TNK2: variants seen among roughly 807,000 people sequenced by gnomAD.
TNK2 encodes the protein activated CDC42 kinase 1.
A neutral mutation model predicts 101.8 loss-of-function variants in TNK2; 83 were observed. The ratio of observed to expected loss-of-function variants is 0.82; its 90% CI spans 0.68 to 0.98. The LOEUF (loss-of-function observed/expected upper bound fraction) is 0.98. Ranked by LOEUF, TNK2 falls within the 50% of genes least tolerant of loss-of-function variation. The pLI is 0.00. For synonymous variants in TNK2, 804 were observed against 633.0 expected, an observed-to-expected ratio of 1.27 and a Z score of -4.06; for missense variants, 1,665 against 1,483.2, an observed-to-expected ratio of 1.12 and a Z score of -2.01.
chr3:195,895,219 T>C (rs1485258013), intron 1 of TNK2: 8 of 1,489,526 alleles, frequency 5.4e-6, no homozygotes, highest in Non-Finnish European at 5.4e-6. Context: ...CCCAGGTATC[T>C]GGCTATCCCC....
intron 1 of TNK2, among the ~76,000 whole-genome samples, chr3:195,903,283 G>C (rs964637065): frequency 1.5e-5 from 2 of 131,052 alleles, no homozygotes; most frequent in Non-Finnish European, 3.3e-5. Context: ...CTCGTGATCT[G>C]CACATCTCGG....
At chr3:195,897,495 C>T (rs1760733547) in intron 1 of TNK2, among the ~76,000 whole-genome samples, 1 of 152,160 alleles carries the variant, frequency 6.6e-6, no homozygotes. Context: ...AGCCTCTTCA[C>T]CCCACATGTT....
chr3:195,892,569 C>T, intron 1 of TNK2: 1 of 1,482,994 alleles, frequency 6.7e-7, no homozygotes, highest in Non-Finnish European at 9.0e-7. Flanking sequence ...TGCCCAGGAG[C>T]CCCCCAAATC....
At chr3:195,890,140 G>GT (rs1488220101) in intron 1 of TNK2, among the ~76,000 whole-genome samples, 1 of 152,230 alleles carries the variant, frequency 6.6e-6, no homozygotes, top group Non-Finnish European at 1.5e-5. Context: ...TTCCACCTCG[G>GT]CGACCGGGCC....
rs556151043 is a variant in TNK2, at chr3:195,870,141, G to A, written c.1516C>T (p.Pro506Ser). The change falls in exon 11 of 16, where the codon CCC becomes TCC. Residue 506 changes from proline (P) to serine (S), a missense_variant. Around this residue, in one of 3 missense-constraint regions of TNK2, gnomAD observed 1,136 missense variants for 894.9 expected, o/e 1.27. Transcript: ENST00000672887. ...LLSVELSTSR[P>S]PQHLGGVKRE... ...TTCACCCCTCCTAGATGCTGGGGGG[G>A]CCGGGAGGTGCTCAGTTCCACGCTC... 8 of 1,475,068 alleles carry A rather than the reference G, an allele frequency of 5.4e-6. No homozygotes were observed. Among genetic ancestry groups the A allele is most frequent in the Middle Eastern group, 1.8e-4 (1 of 5,548 alleles). The allele number at this position is 1,475,068 out of a possible 1,614,324, so 91.4% of individuals were successfully genotyped here. A position where few individuals can be genotyped will look rare whatever the true frequency, so the allele number is the denominator to read the frequency against.
At chr3:195,865,434 A>T (rs1740045496) in intron 15 of TNK2, among the ~76,000 whole-genome samples, 1 of 146,752 alleles carries the variant, frequency 6.8e-6, no homozygotes. Flanking sequence ...GTTAAGAATG[A>T]CCCGAGACAG....
chr3:195,901,912 G>A (rs915448910), intron 1 of TNK2, among the ~76,000 whole-genome samples: 2 of 152,154 alleles, frequency 1.3e-5, no homozygotes, highest in African/African-American at 4.8e-5. Flanking sequence ...CTCGCTGAGT[G>A]GATACCATGT....
chr3:195,900,541 G>T (rs1181950075), intron 1 of TNK2, among the ~76,000 whole-genome samples: 1 of 152,222 alleles, frequency 6.6e-6, no homozygotes, highest in Non-Finnish European at 1.5e-5. Flanking sequence ...GAAGACCGGA[G>T]TGTCAACGCC....
chr3:195,884,755 C>T, intron 4 of TNK2, 57 bp downstream of exon 4: 1 of 1,503,216 alleles, frequency 6.7e-7, no homozygotes. Context: ...GCAGAAGAGC[C>T]ACTACCAGCC....
In TNK2 at chr3:195,888,666, G is replaced by C; in HGVS notation, c.-18-60C>G. On this transcript the variant is annotated intron_variant, in intron 1 of 15. Coordinates refer to ENST00000672887, the MANE Select transcript of TNK2 (RefSeq NM_001382273.1). The surrounding 1 kb of genome is among the most constrained non-coding windows in gnomAD (Gnocchi z 5.3). ...GTGGGGGGACAACAGGGGCCTGCCC[G>C]AGTGACCTGGGCTCACCTTCATCCC... 1.3e-6 allele frequency: 2 copies of C among 1,482,792 alleles called. No individual in the cohort carries two copies. The highest frequency in any genetic ancestry group is 1.8e-6 in the Non-Finnish European group (2 of 1,100,620). 91.9% of individuals were successfully genotyped at this position (1,482,792 alleles called of 1,614,324 possible).
At chr3:195,871,671 C>A (rs1429543761) in intron 10 of TNK2, among the ~76,000 whole-genome samples, 1 of 152,182 alleles carries the variant, frequency 6.6e-6, no homozygotes, top group African/African-American at 2.4e-5. Flanking sequence ...GGGGACCTTT[C>A]CACCAAACAG....
Position 195,864,204 on chromosome 3 carries a change from C to T in TNK2, c.3162-17G>A. On this transcript the variant is annotated splice_polypyrimidine_tract_variant and intron_variant, in intron 15 of 15. Transcript: ENST00000672887. ...TCTCAGCGCCTAGAGAATGGGAAACCACCAGCACAGTTAAACAGTTTACAG... is the reference window on the plus strand; with the variant it reads ...TCTCAGCGCCTAGAGAATGGGAAACTACCAGCACAGTTAAACAGTTTACAG... The T allele has an allele frequency of 6.2e-7, 1 of 1,613,998 alleles. No individual in the cohort carries two copies. The highest frequency in any genetic ancestry group is 1.7e-5 in the Admixed American group (1 of 60,010).
intron 1 of TNK2, among the ~76,000 whole-genome samples, chr3:195,892,936 C>A: frequency 6.6e-6 from 1 of 151,936 alleles, no homozygotes; most frequent in Non-Finnish European, 1.5e-5. Flanking sequence ...TCCTCCCAGC[C>A]ACCCGCGCTG....
At chr3:195,889,953 A>C (rs1197207268) in intron 1 of TNK2, among the ~76,000 whole-genome samples, 1 of 151,988 alleles carries the variant, frequency 6.6e-6, no homozygotes, top group Non-Finnish European at 1.5e-5. Flanking sequence ...AGCTCCCATC[A>C]CAGTGAGCAG....
At chr3:195,872,857 C>G (rs576524735) in intron 9 of TNK2, 8 of 205,074 alleles carry the variant, frequency 3.9e-5, no homozygotes, top group Admixed American at 1.6e-4. Context: ...CCTCCTCACC[C>G]CTCAGTTCCC....
Position 195,878,387 on chromosome 3 carries a change from C to T in TNK2, c.1162-40G>A, listed in dbSNP as rs372246474. The T allele has an allele frequency of 1.5e-4, 246 of 1,613,934 alleles. 2 individuals carry two copies. In the South Asian group the frequency reaches 1.9e-3, roughly 12 times the overall value. ...AGGTCGTGGCCAACTCTGGGACTGA[C>T]GCCTGGGTAGCCCCTCAGCTTGAAC... On this transcript the variant is annotated intron_variant, in intron 8 of 15. Transcript: ENST00000672887. The surrounding 1 kb of genome is among the most constrained non-coding windows in gnomAD (Gnocchi z 4.7).
At position 195,863,881 on chromosome 3, in the gene TNK2, C is replaced by A. The variant is rs543556034; in HGVS notation, c.*300G>T. ...CCACAGGCCCCGCCCAGGACCAGGG[C>A]CAGAGGCAGGTCATACCCAGAGCCT... On this transcript the variant is annotated 3_prime_UTR_variant, in exon 16 of 16. Coordinates refer to ENST00000672887, the MANE Select transcript of TNK2 (RefSeq NM_001382273.1). 3 of 416,578 alleles carry A rather than the reference C, an allele frequency of 7.2e-6. No individual in the cohort carries two copies. Among genetic ancestry groups the A allele is most frequent in the African/African-American group, 6.0e-5 (3 of 50,110 alleles). The allele number at this position is 416,578 out of a possible 1,614,324, so 25.8% of individuals were successfully genotyped here.
At chr3:195,905,189 A>G (rs1388819121) in intron 1 of TNK2, among the ~76,000 whole-genome samples, 1 of 152,154 alleles carries the variant, frequency 6.6e-6, no homozygotes, top group African/African-American at 2.4e-5. Flanking sequence ...AGACACACAC[A>G]AACAATTGAT....
chr3:195,878,117 C>T lies in TNK2; in HGVS notation c.1256+136G>A. On this transcript the variant is annotated intron_variant, in intron 9 of 15. Coordinates refer to ENST00000672887, the MANE Select transcript of TNK2 (RefSeq NM_001382273.1). The surrounding 1 kb of genome is among the most constrained non-coding windows in gnomAD (Gnocchi z 4.7). ...GAGGCAGGCCTGTCCTCCCCTCACA[C>T]TGCAGGGTTCAGGCCCAACCGCCAG... 1.2e-6 allele frequency: 1 copy of T among 853,510 alleles called. No individual in the cohort carries two copies. The highest frequency in any genetic ancestry group is 1.9e-6 in the Non-Finnish European group (1 of 523,036). 52.9% of individuals were successfully genotyped at this position (853,510 alleles called of 1,614,324 possible).
Sources: allele counts gnomAD v4.1 joint callset (sites outside exome capture counted in the v4.1 genomes callset), GRCh38; gene constraint gnomAD v4.1.1; regional missense constraint gnomAD v4.1.1; non-coding constraint Gnocchi (gnomAD v3.1); transcripts MANE v1.5; gene names NCBI Gene and HGNC (gene_info 2026-07-23, HGNC 2026-07-21).